The following MDGA2 variants were observed in gnomAD, a reference collection of about 807,000 sequenced individuals.
MDGA2 encodes the protein MAM domain containing glycosylphosphatidylinositol anchor 2.
MDGA2 carries 40 observed loss-of-function variants against 117.8 expected under a neutral mutation model. The ratio of observed to expected loss-of-function variants is 0.34; its 90% CI spans 0.26 to 0.44. The LOEUF is 0.44. Ranked by LOEUF, MDGA2 falls within the 20% of genes least tolerant of loss-of-function variation. The pLI, the probability that MDGA2 is intolerant of heterozygous loss-of-function variation, is 1.00. For missense variants in MDGA2, 1,123 were observed against 1,250.6 expected, an observed-to-expected ratio of 0.90 and a Z score of 1.54; for synonymous variants, 452 against 439.0, an observed-to-expected ratio of 1.03 and a Z score of -0.37.
chr14:47,011,086 G>A (rs1887881639), intron 8 of MDGA2, among the ~76,000 whole-genome samples: 1 of 151,914 alleles, frequency 6.6e-6, no homozygotes, highest in Admixed American at 6.6e-5. Flanking sequence ...TAACTTTTTA[G>A]CATCATAGGG....
rs943747624 is a variant in MDGA2, at chr14:47,011,572, T to A, written c.1819+23439A>T. Among the ~76,000 whole-genome samples the A allele has an allele frequency of 2.0e-5, 3 of 151,970 alleles. No individual in the cohort carries two copies. The East Asian group carries it at 5.8e-4, about 29-fold the overall frequency. On this transcript the variant is annotated intron_variant, in intron 8 of 16. Transcript: ENST00000399232. Reference sequence around the variant, plus strand: ...GTTCTAGAAATAAATTTTTCATAAATTCCACTAACTGTATATGTAGAGTCT... The same window carrying A: ...GTTCTAGAAATAAATTTTTCATAAAATCCACTAACTGTATATGTAGAGTCT...
intron 14 of MDGA2, among the ~76,000 whole-genome samples, chr14:46,861,773 G>T (rs887583453): frequency 6.6e-6 from 1 of 151,896 alleles, no homozygotes; most frequent in Non-Finnish European, 1.5e-5. Context: ...GATGAGAAAA[G>T]CAGTGTTAAT....
intron 1 of MDGA2, among the ~76,000 whole-genome samples, chr14:47,580,122 T>C (rs1203011822): frequency 6.6e-6 from 1 of 152,084 alleles, no homozygotes; most frequent in Non-Finnish European, 1.5e-5. Flanking sequence ...GCTCAAGTTT[T>C]TACATGTAAA....
intron 1 of MDGA2, among the ~76,000 whole-genome samples, chr14:47,404,086 A>G (rs566078710): frequency 2.0e-5 from 3 of 152,264 alleles, no homozygotes; most frequent in Non-Finnish European, 2.9e-5. Context: ...ATATTAAATA[A>G]ATTTGTATGT....
chr14:47,456,752 C>T (rs536157480), intron 1 of MDGA2, among the ~76,000 whole-genome samples: 1 of 151,994 alleles, frequency 6.6e-6, no homozygotes, highest in South Asian at 2.1e-4. Flanking sequence ...GAAAGAAATA[C>T]GATGTTTGAA....
rs2138449698 is a variant in MDGA2, at chr14:46,994,820, A to T, written c.1820-37177T>A. 3.3e-5 allele frequency among the ~76,000 whole-genome samples: 5 copies of T among 152,246 alleles called. No individual in the cohort carries two copies. The Middle Eastern group carries it at 0.014, about 414-fold the overall frequency. ...TGTTTGTCTTGATGAAAAGGTAATA[A>T]CATAGGGTAGTGGAAATGCAATTAA... On this transcript the variant is annotated intron_variant, in intron 8 of 16. Transcript: ENST00000399232.
chr14:47,663,614 C>T (rs1466446947), intron 1 of MDGA2, among the ~76,000 whole-genome samples: 5 of 152,086 alleles, frequency 3.3e-5, no homozygotes, highest in African/African-American at 1.2e-4. Flanking sequence ...CCCACTCAGT[C>T]CTTTTCAGTT....
At chr14:47,560,224 C>G (rs1163049551) in intron 1 of MDGA2, among the ~76,000 whole-genome samples, 1 of 151,970 alleles carries the variant, frequency 6.6e-6, no homozygotes, top group African/African-American at 2.4e-5. Flanking sequence ...CCCGCCACCA[C>G]GCCCGACTAA....
intron 2 of MDGA2, among the ~76,000 whole-genome samples, chr14:47,241,835 T>C (rs890090915): frequency 5.9e-5 from 9 of 151,882 alleles, no homozygotes; most frequent in Admixed American, 4.6e-4. Context: ...TATTTTTGCA[T>C]AGGGGAACAA....
chr14:47,242,827 T>G (rs1484718197), intron 2 of MDGA2, among the ~76,000 whole-genome samples: 4 of 151,796 alleles, frequency 2.6e-5, no homozygotes, highest in Non-Finnish European at 5.9e-5. Flanking sequence ...TGAGGAATGC[T>G]AGCGCAGGGC....
chr14:47,119,192 C>G lies in MDGA2; in HGVS notation c.925+12522G>C, dbSNP rs1476859764. 7.7e-4 allele frequency among the ~76,000 whole-genome samples: 70 copies of G among 91,374 alleles called. 3 individuals carry two copies. The highest frequency in any genetic ancestry group is 1.1e-3 in the Non-Finnish European group (44 of 38,446). The allele number at this position is 91,374 out of a possible 152,430, so 59.9% of individuals were successfully genotyped here. A position where few individuals can be genotyped will look rare whatever the true frequency, so the allele number is the denominator to read the frequency against. The stretch of plus-strand genomic sequence containing the variant: ...CAGCCCCGCCCCCCCCCCCCCACCC[C>G]GTAGCTGGGACTACAGGCACCCGCC... On this transcript the variant is annotated intron_variant, in intron 5 of 16. Transcript: ENST00000399232.
rs560473542 is a variant in MDGA2 at position 47,314,256 on chromosome 14, C to T, written c.281-12706G>A. On this transcript the variant is annotated intron_variant, in intron 1 of 16. Transcript: ENST00000399232. ...CATTAATGCTTAATGGAACCATGTC[C>T]CACCCATAGTGTGCTGGCCGCAGGT... Among the ~76,000 whole-genome samples, 13 of 152,208 alleles carry T rather than the reference C, an allele frequency of 8.5e-5. No homozygotes were observed. In the South Asian group the frequency reaches 2.7e-3, roughly 32 times the overall value.
chr14:47,592,883 A>G (rs986337532), intron 1 of MDGA2, among the ~76,000 whole-genome samples: 6 of 152,240 alleles, frequency 3.9e-5, no homozygotes, highest in African/African-American at 1.4e-4. Context: ...AAAAACTGGC[A>G]AATGATATCT....
chr14:47,423,892 A>G (rs1892631519), intron 1 of MDGA2, among the ~76,000 whole-genome samples: 1 of 152,032 alleles, frequency 6.6e-6, no homozygotes, highest in Admixed American at 6.6e-5. Context: ...GCTCACTGCA[A>G]CCTCTGCCTC....
chr14:47,016,687 T>TA (rs1888094598), intron 8 of MDGA2, among the ~76,000 whole-genome samples: 1 of 152,166 alleles, frequency 6.6e-6, no homozygotes, highest in East Asian at 1.9e-4. Context: ...GAAAATGTTT[T>TA]ACCAAACAAA....
intron 1 of MDGA2, among the ~76,000 whole-genome samples, chr14:47,358,108 G>C (rs981616040): frequency 6.6e-6 from 1 of 152,134 alleles, no homozygotes; most frequent in African/African-American, 2.4e-5. Context: ...TGCCTGAATT[G>C]GGGATGAACT....
intron 3 of MDGA2, among the ~76,000 whole-genome samples, chr14:47,160,318 T>C (rs564963821): frequency 1.3e-5 from 2 of 152,198 alleles, no homozygotes; most frequent in Non-Finnish European, 2.9e-5. Flanking sequence ...TGCTATTCTA[T>C]TTCGGGCTTT....
At chr14:47,613,096 T>G (rs569969079) in intron 1 of MDGA2, among the ~76,000 whole-genome samples, 1 of 152,322 alleles carries the variant, frequency 6.6e-6, no homozygotes, top group African/African-American at 2.4e-5. Flanking sequence ...ATCATTGTTA[T>G]AGTTTTCTCA....
At chr14:47,314,244 T>C (rs1889732151) in intron 1 of MDGA2, among the ~76,000 whole-genome samples, 1 of 152,188 alleles carries the variant, frequency 6.6e-6, no homozygotes, top group Admixed American at 6.6e-5. Context: ...TAATGCTTAA[T>C]GGAACCATGT....
Sources: allele counts gnomAD v4.1 joint callset (sites outside exome capture counted in the v4.1 genomes callset), GRCh38; gene constraint gnomAD v4.1.1; transcripts MANE v1.5; gene names NCBI Gene and HGNC (gene_info 2026-07-23, HGNC 2026-07-21).